The following KLHL1 variants were observed in gnomAD, a reference collection of about 807,000 sequenced individuals.
The protein encoded by KLHL1 is kelch like family member 1.
Under a neutral mutation model 77.7 loss-of-function variants are expected in KLHL1, and 47 were observed. That is an observed-to-expected ratio of 0.60 (90% CI 0.48 to 0.77). KLHL1 has a LOEUF of 0.77. Among genes scored for constraint, KLHL1 ranks in the 30% least tolerant of loss-of-function variants. KLHL1 has a pLI of 0.00. For missense variants in KLHL1, 925 were observed against 910.8 expected, an observed-to-expected ratio of 1.02 and a Z score of -0.20; for synonymous variants, 360 against 325.2, an observed-to-expected ratio of 1.11 and a Z score of -1.15.
At chr13:70,002,256 G>C (rs1224119750) in intron 1 of KLHL1, among the ~76,000 whole-genome samples, 2 of 151,386 alleles carry the variant, frequency 1.3e-5, no homozygotes, top group African/African-American at 4.8e-5. Flanking sequence ...ATTCCAAAAT[G>C]GTCCGCATGT....
At chr13:69,794,234 G>A (rs1016333112) in intron 7 of KLHL1, among the ~76,000 whole-genome samples, 9 of 152,264 alleles carry the variant, frequency 5.9e-5, no homozygotes, top group South Asian at 2.1e-4. Context: ...TAGGTTGAGC[G>A]AAGTCAGCTT....
intron 1 of KLHL1, among the ~76,000 whole-genome samples, chr13:70,062,360 C>G (rs747407100): frequency 2.9e-4 from 44 of 152,076 alleles, no homozygotes; most frequent in Non-Finnish European, 3.2e-4. Flanking sequence ...TGATGATTCT[C>G]TAAGTATATT....
At chr13:69,933,197 G>C (rs536749013) in intron 4 of KLHL1, among the ~76,000 whole-genome samples, 6 of 151,876 alleles carry the variant, frequency 4.0e-5, no homozygotes, top group Admixed American at 3.9e-4. Flanking sequence ...TATATAACTA[G>C]TTACTAAGAC....
Position 70,107,578 on chromosome 13 carries a change from T to C in KLHL1, c.122A>G (p.Asp41Gly). The C allele has an allele frequency of 6.2e-7, 1 of 1,605,084 alleles. No homozygotes were observed. Among genetic ancestry groups the C allele is most frequent in the East Asian group, 2.2e-5 (1 of 44,812 alleles). Residue 41 changes from aspartate (D) to glycine (G), a missense_variant, in exon 1 of 11, where the codon GAC (aspartate) becomes GGC (glycine). Physicochemically the swap from Asp to Gly is moderately conservative, Grantham distance 94. Coordinates refer to ENST00000377844, the MANE Select transcript of KLHL1 (RefSeq NM_020866.3). ...CCAGTGCTCAAAGCTGCCACTGCCG[T>C]CCTGTTGCAGGCAGCCTCCCCCCGC... ...GPAGGGCLQQ[D>G]GSGSFEHWGP...
At chr13:69,939,340 CA>C (rs1460584245) in intron 4 of KLHL1, among the ~76,000 whole-genome samples, 31 of 60,836 alleles carry the variant, frequency 5.1e-4, no homozygotes, top group African/African-American at 2.1e-3. Context: ...CATATACATA[CA>C]TATATATATA....
chr13:69,920,292 T>G (rs1315538816), intron 4 of KLHL1, among the ~76,000 whole-genome samples: 3 of 152,106 alleles, frequency 2.0e-5, no homozygotes, highest in African/African-American at 7.2e-5. Flanking sequence ...TACTATAATC[T>G]TATAGCATCA....
At chr13:69,929,460 G>A (rs1252040166) in intron 4 of KLHL1, among the ~76,000 whole-genome samples, 1 of 151,804 alleles carries the variant, frequency 6.6e-6, no homozygotes, top group African/African-American at 2.4e-5. Context: ...AAAAGGGGTA[G>A]CCTAGACTTT....
At chr13:70,015,105 C>G (rs1885625841) in intron 1 of KLHL1, among the ~76,000 whole-genome samples, 1 of 152,076 alleles carries the variant, frequency 6.6e-6, no homozygotes, top group South Asian at 2.1e-4. Flanking sequence ...TACAAACACA[C>G]ACATATACAC....
chr13:70,075,661 A>ATG (rs1193569882), intron 1 of KLHL1, among the ~76,000 whole-genome samples: 18 of 140,790 alleles, frequency 1.3e-4, no homozygotes, highest in African/African-American at 4.5e-4. Flanking sequence ...ATATATACCT[A>ATG]TGTGTGTGTG....
chr13:69,982,196 G>A (rs995685683), intron 1 of KLHL1, among the ~76,000 whole-genome samples: 182 of 151,842 alleles, frequency 1.2e-3, no homozygotes, highest in African/African-American at 3.5e-3. Flanking sequence ...CACTTTGGGA[G>A]GCCAAGGCGG....
intron 1 of KLHL1, among the ~76,000 whole-genome samples, chr13:69,988,492 G>A (rs931517430): frequency 6.6e-6 from 1 of 152,044 alleles, no homozygotes; most frequent in Admixed American, 6.6e-5. Context: ...TAGTGGAATT[G>A]CTGGGTTGAA....
chr13:70,033,576 G>A (rs2137369345), intron 1 of KLHL1, among the ~76,000 whole-genome samples: 1 of 145,722 alleles, frequency 6.9e-6, no homozygotes, highest in South Asian at 2.2e-4. Context: ...AAAGTGCTGG[G>A]ATTACAGGTG....
At chr13:70,015,555 A>G (rs1465367701) in intron 1 of KLHL1, among the ~76,000 whole-genome samples, 1 of 152,180 alleles carries the variant, frequency 6.6e-6, no homozygotes, top group Admixed American at 6.5e-5. Flanking sequence ...CCATACTTTG[A>G]ATACACATAT....
chr13:69,922,196 C>T (rs1244805829), intron 4 of KLHL1, among the ~76,000 whole-genome samples: 1 of 152,074 alleles, frequency 6.6e-6, no homozygotes, highest in Non-Finnish European at 1.5e-5. Context: ...ATTCTCCTGC[C>T]TTGGCCTGCC....
chr13:70,044,718 A>G (rs1376035314), intron 1 of KLHL1, among the ~76,000 whole-genome samples: 2 of 152,212 alleles, frequency 1.3e-5, no homozygotes, highest in African/African-American at 2.4e-5. Context: ...TTGACTTACT[A>G]CAAATTCTCA....
chr13:69,984,988 G>C (rs1239059419), intron 1 of KLHL1, among the ~76,000 whole-genome samples: 1 of 152,080 alleles, frequency 6.6e-6, no homozygotes, highest in Non-Finnish European at 1.5e-5. Context: ...GCGGGCGCCT[G>C]TAATACCAGC....
intron 1 of KLHL1, among the ~76,000 whole-genome samples, chr13:70,017,579 A>G (rs911335448): frequency 6.6e-6 from 1 of 152,162 alleles, no homozygotes; most frequent in Non-Finnish European, 1.5e-5. Flanking sequence ...CAGGTGTGGT[A>G]TCTGTGCTGG....
intron 1 of KLHL1, among the ~76,000 whole-genome samples, chr13:69,998,348 TG>T (rs140298866): frequency 0.013 from 2,032 of 152,024 alleles, 54 homozygotes; most frequent in African/African-American, 0.046. Flanking sequence ...GCTCACACAA[TG>T]GGAGCTCCCA....
At chr13:70,017,781 C>A (rs1885694872) in intron 1 of KLHL1, among the ~76,000 whole-genome samples, 1 of 152,088 alleles carries the variant, frequency 6.6e-6, no homozygotes, top group South Asian at 2.1e-4. Context: ...AAAACAATAA[C>A]ACAAAAAAAT....
Sources: gnomAD v4.1 joint callset for allele counts (sites outside exome capture counted in the v4.1 genomes callset) on GRCh38, gnomAD v4.1.1 for gene constraint, MANE v1.5 for transcripts, NCBI Gene and HGNC (gene_info 2026-07-23, HGNC 2026-07-21) for gene names.